The following HIPK2 variants were observed in gnomAD, a reference collection of about 807,000 sequenced individuals.
HIPK2 encodes homeodomain-interacting protein kinase 2.
Under a neutral mutation model 113.7 loss-of-function variants are expected in HIPK2, and 27 were observed. The ratio of observed to expected loss-of-function variants is 0.24; its 90% confidence interval spans 0.17 to 0.33. The LOEUF (loss-of-function observed/expected upper bound fraction) is 0.33. HIPK2 is among the 10% of genes least tolerant of loss of function. The pLI is 1.00. For synonymous variants in HIPK2, 631 were observed against 642.2 expected (o/e 0.98, Z 0.26); for missense variants, 1,257 against 1,588.0 (o/e 0.79, Z 3.54).
intron 1 of HIPK2, among the ~76,000 whole-genome samples, chr7:139,742,874 C>T (rs538874626): frequency 5.9e-5 from 9 of 152,258 alleles, no homozygotes; most frequent in East Asian, 1.9e-4. Context: ...ACAAATTTCC[C>T]GGGCATTAAC....
In HIPK2 at chr7:139,735,841, T is replaced by C. The variant is rs1795923079; in HGVS notation, c.20-18826A>G. Among the ~76,000 whole-genome samples the C allele has an allele frequency of 2.6e-5, 4 of 152,094 alleles. No individual in the cohort carries two copies. In the South Asian group the frequency reaches 6.2e-4, roughly 24 times the overall value. On this transcript the variant is annotated intron_variant, in intron 1 of 14. Transcript: ENST00000406875. ...ATTTTTATTTAAGATTCATAAGCCATCCACTGCCTACAGGACCTGGGATAG... is the reference window on the plus strand; with the variant it reads ...ATTTTTATTTAAGATTCATAAGCCACCCACTGCCTACAGGACCTGGGATAG...
intron 2 of HIPK2, among the ~76,000 whole-genome samples, chr7:139,707,758 G>GT (rs1443073632): frequency 6.6e-6 from 1 of 152,228 alleles, no homozygotes; most frequent in Admixed American, 6.5e-5. Context: ...ATACATGAGA[G>GT]TTACAGCTCC....
intron 2 of HIPK2, among the ~76,000 whole-genome samples, chr7:139,713,649 T>C (rs1258640669): frequency 6.6e-6 from 1 of 152,254 alleles, no homozygotes; most frequent in Admixed American, 6.5e-5. Context: ...CTGGTACGTG[T>C]TCATGATGCA....
chr7:139,737,623 C>T (rs1471334907), intron 1 of HIPK2, among the ~76,000 whole-genome samples: 3 of 152,248 alleles, frequency 2.0e-5, no homozygotes, highest in Non-Finnish European at 2.9e-5. Flanking sequence ...GCCTCTGCTA[C>T]ACCAGGAGTT....
chr7:139,634,240 G>A (rs977739204), intron 2 of HIPK2, among the ~76,000 whole-genome samples: 8 of 152,166 alleles, frequency 5.3e-5, no homozygotes, highest in Non-Finnish European at 1.2e-4. Context: ...CTGGGGGCTG[G>A]AGTGAGTTGC....
chr7:139,584,107 G>T, intron 12 of HIPK2, 43 bp from the exon 13 acceptor site: 1 of 1,546,606 alleles, frequency 6.5e-7, no homozygotes, highest in South Asian at 1.3e-5. Context: ...AGAAGGCCGT[G>T]AGGTGAGACA....
At chr7:139,733,827 A>G (rs1795862079) in intron 1 of HIPK2, among the ~76,000 whole-genome samples, 1 of 152,232 alleles carries the variant, frequency 6.6e-6, no homozygotes, top group African/African-American at 2.4e-5. Context: ...ATTCTCAGGC[A>G]AAAGCCTTTC....
chr7:139,597,666 G>T (rs1408926934), intron 11 of HIPK2, among the ~76,000 whole-genome samples: 1 of 152,156 alleles, frequency 6.6e-6, no homozygotes, highest in Non-Finnish European at 1.5e-5. Context: ...GAGCCTCATG[G>T]GAGGCGCATT....
rs925455604 is a variant in HIPK2, at chr7:139,571,701, C to CACA, written c.*1223_*1225dup. Reference sequence around the variant, plus strand: ...AGGCCAGCGTAAACTGTTACAACAGCACAACAGAAGAGCTGAGATTGTGTC... The same window carrying CACA: ...AGGCCAGCGTAAACTGTTACAACAGCACAACAACAGAAGAGCTGAGATTGTGTC... On this transcript the variant is annotated 3_prime_UTR_variant, in exon 15 of 15. Coordinates refer to ENST00000406875, the MANE Select transcript of HIPK2 (RefSeq NM_022740.5). The CACA allele has an allele frequency of 1.3e-5, 2 of 152,122 alleles. No individual in the cohort carries two copies. Among genetic ancestry groups the CACA allele is most frequent in the African/African-American group, 4.8e-5 (2 of 41,412 alleles). The allele number at this position is 152,122 out of a possible 1,614,324, so 9.4% of individuals were successfully genotyped here. A position where few individuals can be genotyped will look rare whatever the true frequency, so the allele number is the denominator to read the frequency against.
chr7:139,761,135 A>C (rs1796456877), intron 1 of HIPK2, among the ~76,000 whole-genome samples: 1 of 152,262 alleles, frequency 6.6e-6, no homozygotes, highest in Non-Finnish European at 1.5e-5. Context: ...GCATTAGCAC[A>C]GATCCTGCCT....
At chr7:139,621,539 C>T (rs758520943) in intron 6 of HIPK2, among the ~76,000 whole-genome samples, 7 of 152,204 alleles carry the variant, frequency 4.6e-5, no homozygotes, top group African/African-American at 7.2e-5. Flanking sequence ...TCTTGAAAAT[C>T]GACCAAAAAG....
At position 139,561,759 on chromosome 7, in the gene HIPK2, C is replaced by A. The variant is rs1797954855; in HGVS notation, c.*11168G>T. The A allele has an allele frequency of 6.6e-6, 1 of 151,218 alleles. No individual in the cohort carries two copies. Among genetic ancestry groups the A allele is most frequent in the Admixed American group, 6.7e-5 (1 of 14,940 alleles). The allele number at this position is 151,218 out of a possible 1,614,324, so 9.4% of individuals were successfully genotyped here. A position where few individuals can be genotyped will look rare whatever the true frequency, so the allele number is the denominator to read the frequency against. On this transcript the variant is annotated 3_prime_UTR_variant, in exon 15 of 15. Coordinates refer to ENST00000406875, the MANE Select transcript of HIPK2 (RefSeq NM_022740.5). ...CATAGTTCACCACAATGGGACCCCC[C>A]CCCCTTTTTCTCACCCTACAGTTAG... is the stretch of plus-strand genomic sequence containing the variant.
chr7:139,604,300 G>T, intron 9 of HIPK2, 77 bp from the exon 10 acceptor site: 1 of 1,533,110 alleles, frequency 6.5e-7, no homozygotes, highest in Non-Finnish European at 8.8e-7. Flanking sequence ...CACTTATTCT[G>T]TGCCTGGGGT....
At chr7:139,610,419 T>C (rs115573015) in intron 9 of HIPK2, among the ~76,000 whole-genome samples, 121 of 152,380 alleles carry the variant, frequency 7.9e-4, no homozygotes, top group African/African-American at 2.8e-3. Context: ...GACTGAGCTG[T>C]AGTTCTTTCT....
chr7:139,721,791 C>T (rs1795417564), intron 1 of HIPK2, among the ~76,000 whole-genome samples: 1 of 152,108 alleles, frequency 6.6e-6, no homozygotes, highest in Admixed American at 6.6e-5. Context: ...AAGTTTCGAG[C>T]CCATGGGGAG....
chr7:139,733,502 C>T (rs990933759), intron 1 of HIPK2, among the ~76,000 whole-genome samples: 7 of 152,136 alleles, frequency 4.6e-5, no homozygotes, highest in Admixed American at 3.9e-4. Context: ...ACAATGATCT[C>T]AACTTTTTTG....
chr7:139,612,049 G>T (rs1044437281), intron 9 of HIPK2, among the ~76,000 whole-genome samples: 2 of 151,844 alleles, frequency 1.3e-5, no homozygotes, highest in Non-Finnish European at 2.9e-5. Context: ...GAACAGACAA[G>T]GAAAATTTGA....
chr7:139,631,737 G>A lies in HIPK2; in HGVS notation c.1104-12C>T, dbSNP rs758395122. ...TGATCTCAGGGGCCCTGAAAAGGAA[G>A]AATGGAAGAAACCATTAGCAAGTTG... On this transcript the variant is annotated splice_polypyrimidine_tract_variant and intron_variant, in intron 2 of 14. Coordinates refer to ENST00000406875, the MANE Select transcript of HIPK2 (RefSeq NM_022740.5). This position sits in a 1 kb window ranked among gnomAD's most constrained non-coding sequence, Gnocchi z 4.9. 3 of 1,609,190 alleles carry A rather than the reference G, an allele frequency of 1.9e-6. No individual in the cohort carries two copies. The Admixed American group carries it at 5.1e-5, about 27-fold the overall frequency.
chr7:139,762,935 G>A (rs76085502), intron 1 of HIPK2, among the ~76,000 whole-genome samples: 5,755 of 152,278 alleles, frequency 0.038, 364 homozygotes, highest in African/African-American at 0.13. Flanking sequence ...GATGAGAAGA[G>A]GGGAATATGA....
Sources: allele counts gnomAD v4.1 joint callset (sites outside exome capture counted in the v4.1 genomes callset), GRCh38; gene constraint gnomAD v4.1.1; non-coding constraint Gnocchi (gnomAD v3.1); transcripts MANE v1.5; gene names NCBI Gene and HGNC (gene_info 2026-07-23, HGNC 2026-07-21).